Variants in SIPA1L1 observed in about 807,000 individuals in gnomAD.
The protein encoded by SIPA1L1 is signal-induced proliferation-associated 1-like protein 1.
SIPA1L1 carries 26 observed loss-of-function variants against 162.7 expected under a neutral mutation model. The observed-to-expected ratio is 0.16, with a 90% CI of 0.12 to 0.22. The LOEUF is 0.22. SIPA1L1 is among the 10% of genes least tolerant of loss of function. The probability of loss-of-function intolerance (pLI) is 1.00; values close to 1 mark genes in which losing one functional copy is unlikely to be tolerated. For synonymous variants in SIPA1L1, 829 were observed against 837.4 expected (o/e 0.99, Z 0.17); for missense variants, 1,874 against 2,241.0 (o/e 0.84, Z 3.31).
At chr14:71,524,950 C>A (rs2052713233) in intron 3 of SIPA1L1, among the ~76,000 whole-genome samples, 1 of 152,034 alleles carries the variant, frequency 6.6e-6, no homozygotes, top group Non-Finnish European at 1.5e-5. Context: ...GGGAAAACTT[C>A]CTTTCCTTTT....
intron 4 of SIPA1L1, among the ~76,000 whole-genome samples, chr14:71,542,521 C>T (rs1176807483): frequency 6.7e-6 from 1 of 149,150 alleles, no homozygotes; most frequent in African/African-American, 2.5e-5. Flanking sequence ...TCCTCTTCCT[C>T]CTCCTCCTCT....
At chr14:71,609,007 A>T (rs1228888248) in intron 5 of SIPA1L1, among the ~76,000 whole-genome samples, 1 of 152,190 alleles carries the variant, frequency 6.6e-6, no homozygotes, top group African/African-American at 2.4e-5. Flanking sequence ...AATGCTATTG[A>T]TTTTATTTCT....
chr14:71,479,336 G>GTATGTAT (rs2048143546), intron 2 of SIPA1L1, among the ~76,000 whole-genome samples: 34 of 148,332 alleles, frequency 2.3e-4, no homozygotes, highest in East Asian at 6.1e-4. Context: ...TGTGTATGTA[G>GTATGTAT]GTATGTATGT....
chr14:71,445,240 G>A (rs2045251115), intron 2 of SIPA1L1, among the ~76,000 whole-genome samples: 1 of 152,080 alleles, frequency 6.6e-6, no homozygotes, highest in African/African-American at 2.4e-5. Context: ...TCAAAATTGT[G>A]ACCTCCTGTA....
intron 4 of SIPA1L1, among the ~76,000 whole-genome samples, chr14:71,569,642 G>A (rs1204468332): frequency 2.0e-5 from 3 of 152,180 alleles, no homozygotes; most frequent in Admixed American, 6.5e-5. Context: ...ATAATATTTA[G>A]TAGCTTGTAG....
At chr14:71,367,909 C>CTTTT (rs543910059) in intron 2 of SIPA1L1, among the ~76,000 whole-genome samples, 197 of 127,002 alleles carry the variant, frequency 1.6e-3, no homozygotes, top group Non-Finnish European at 2.6e-3. Context: ...GCCGGCCTTC[C>CTTTT]TTTTTTTTTT....
intron 10 of SIPA1L1, among the ~76,000 whole-genome samples, chr14:71,669,838 C>T (rs1257397205): frequency 1.3e-5 from 2 of 152,146 alleles, no homozygotes; most frequent in Non-Finnish European, 2.9e-5. Context: ...CTTTTCCATT[C>T]CACCAGAAAT....
chr14:71,519,555 C>T (rs371143095), intron 3 of SIPA1L1, among the ~76,000 whole-genome samples: 33 of 151,598 alleles, frequency 2.2e-4, no homozygotes, highest in African/African-American at 7.5e-4. Context: ...CCAGATACAG[C>T]AGCTCATGCT....
chr14:71,588,707 G>A lies in SIPA1L1; in HGVS notation c.835G>A (p.Glu279Lys), dbSNP rs769801168. ...GAACCTCAGGCTTTTTAAGGAAAGGGAAAAACCACTCAAGCGACGTTCAAA... is the reference window on the plus strand; with the variant it reads ...GAACCTCAGGCTTTTTAAGGAAAGGAAAAAACCACTCAAGCGACGTTCAAA... ...RENLRLFKER[E>K]KPLKRRSKSE... is the part of the protein sequence containing the mutation. Residue 279 changes from glutamate to lysine, a missense_variant, in exon 5 of 24, where the codon GAA becomes AAA. By Grantham distance (56) the Glu-to-Lys change is moderately conservative. Around this residue, in one of 5 missense-constraint regions of SIPA1L1, gnomAD observed 685 missense variants for 828.0 expected, o/e 0.83. Coordinates refer to ENST00000381232, the MANE Select transcript of SIPA1L1 (RefSeq NM_001386936.1). The surrounding 1 kb of genome is among the most constrained non-coding windows in gnomAD (Gnocchi z 4.3). 1.2e-6 allele frequency: 2 copies of A among 1,613,982 alleles called. No homozygotes were observed. Among genetic ancestry groups the A allele is most frequent in the South Asian group, 1.1e-5 (1 of 91,068 alleles).
At chr14:71,335,749 A>G (rs983248739) in intron 2 of SIPA1L1, among the ~76,000 whole-genome samples, 3 of 152,210 alleles carry the variant, frequency 2.0e-5, no homozygotes, top group Admixed American at 1.3e-4. Context: ...AGATTTATAA[A>G]ATAGGTTTAC....
chr14:71,722,966 C>T (rs1271826159), intron 17 of SIPA1L1, among the ~76,000 whole-genome samples: 1 of 152,190 alleles, frequency 6.6e-6, no homozygotes, highest in Non-Finnish European at 1.5e-5. Flanking sequence ...GAACTCATGA[C>T]CTCAGATGAT....
chr14:71,690,016 T>C (rs8019221), intron 13 of SIPA1L1, among the ~76,000 whole-genome samples: 1,737 of 152,334 alleles, frequency 0.011, 34 homozygotes, highest in African/African-American at 0.04. Context: ...AATCTTCCAC[T>C]GTGTCATTTT....
chr14:71,513,456 A>G (rs957813002), intron 3 of SIPA1L1, among the ~76,000 whole-genome samples: 1 of 152,134 alleles, frequency 6.6e-6, no homozygotes, highest in Admixed American at 6.6e-5. Flanking sequence ...AGAGACAGAC[A>G]TACAGACATG....
At chr14:71,641,196 A>G (rs542803672) in intron 7 of SIPA1L1, among the ~76,000 whole-genome samples, 1 of 152,238 alleles carries the variant, frequency 6.6e-6, no homozygotes, top group African/African-American at 2.4e-5. Context: ...ATTTGAGGAA[A>G]TGCTGGTAGA....
intron 19 of SIPA1L1, among the ~76,000 whole-genome samples, chr14:71,726,197 T>TGTAGCCATTC (rs1436928214): frequency 6.6e-6 from 1 of 152,246 alleles, no homozygotes; most frequent in African/African-American, 2.4e-5. Context: ...ATTGTACAGA[T>TGTAGCCATTC]GTAGCCATTC....
At chr14:71,727,045 G>C (rs777772797) in intron 19 of SIPA1L1, among the ~76,000 whole-genome samples, 4 of 152,074 alleles carry the variant, frequency 2.6e-5, no homozygotes, top group Non-Finnish European at 4.4e-5. Context: ...TGAGTGGCAG[G>C]GTCACTCCCA....
At chr14:71,622,906 T>C (rs2039596339) in intron 6 of SIPA1L1, among the ~76,000 whole-genome samples, 1 of 152,236 alleles carries the variant, frequency 6.6e-6, no homozygotes, top group African/African-American at 2.4e-5. Context: ...CATTTCTCCC[T>C]GTACTCTCCT....
At position 71,674,073 on chromosome 14, in the gene SIPA1L1, A is replaced by G. The variant is rs377543547; in HGVS notation, c.3104+1451A>G. On this transcript the variant is annotated intron_variant, in intron 12 of 23. Coordinates refer to ENST00000381232, the MANE Select transcript of SIPA1L1 (RefSeq NM_001386936.1). Reference sequence around the variant, plus strand: ...TCTACTTTATTGCTTCTGAACAGACAATTATAAATGGGAGAAGATAGCCAA... The same window carrying G: ...TCTACTTTATTGCTTCTGAACAGACGATTATAAATGGGAGAAGATAGCCAA... Among the ~76,000 whole-genome samples, 99 of 152,330 alleles carry G rather than the reference A, an allele frequency of 6.5e-4. 1 individual carries two copies. Among genetic ancestry groups the G allele is most frequent in the African/African-American group, 2.3e-3 (97 of 41,562 alleles).
At chr14:71,450,937 G>A (rs1448299476) in intron 2 of SIPA1L1, among the ~76,000 whole-genome samples, 1 of 152,170 alleles carries the variant, frequency 6.6e-6, no homozygotes, top group Non-Finnish European at 1.5e-5. Flanking sequence ...AGTGTTTGAA[G>A]AAGTATCAGA....
Sources: allele counts gnomAD v4.1 joint callset (sites outside exome capture counted in the v4.1 genomes callset), GRCh38; gene constraint gnomAD v4.1.1; regional missense constraint gnomAD v4.1.1; non-coding constraint Gnocchi (gnomAD v3.1); transcripts MANE v1.5; gene names NCBI Gene and HGNC (gene_info 2026-07-23, HGNC 2026-07-21).